The following XPO6 variants were observed in gnomAD, a reference collection of about 807,000 sequenced individuals.
XPO6 encodes exportin 6, also known as exportin-6.
In XPO6, 3 loss-of-function variants were observed where a neutral mutation model predicts 130.0. The observed-to-expected ratio is 0.02, with a 90% CI of 0.01 to 0.06. XPO6 has a LOEUF of 0.06. Ranked by LOEUF, XPO6 falls within the 10% of genes least tolerant of loss-of-function variation. XPO6 has a pLI of 1.00. For synonymous variants in XPO6, 524 were observed against 548.9 expected (o/e 0.95, Z 0.63); for missense variants, 970 against 1,393.0 (o/e 0.70, Z 4.83).
At chr16:28,175,024 T>C (rs1278203489) in intron 4 of XPO6, among the ~76,000 whole-genome samples, 2 of 152,130 alleles carry the variant, frequency 1.3e-5, no homozygotes, top group African/African-American at 4.8e-5. Context: ...ACACACAAAT[T>C]TTAAATGCAT....
intron 14 of XPO6, among the ~76,000 whole-genome samples, chr16:28,120,186 A>ATC (rs1567602412): frequency 1.6e-4 from 24 of 151,706 alleles, no homozygotes; most frequent in African/African-American, 5.3e-4. Context: ...TAATAATAAT[A>ATC]ATCATCATCA....
At chr16:28,186,285 C>T (rs964307057) in intron 1 of XPO6, among the ~76,000 whole-genome samples, 3 of 151,270 alleles carry the variant, frequency 2.0e-5, no homozygotes, top group African/African-American at 7.3e-5. Flanking sequence ...TTGCTTTTAC[C>T]TGGTTTCCAG....
At chr16:28,114,818 A>C (rs1441290735) in intron 15 of XPO6, among the ~76,000 whole-genome samples, 2 of 152,212 alleles carry the variant, frequency 1.3e-5, no homozygotes, top group Non-Finnish European at 2.9e-5. Context: ...TCAAAGTTGG[A>C]GTCAGTCCTC....
intron 5 of XPO6, among the ~76,000 whole-genome samples, chr16:28,168,472 C>T (rs2043393341): frequency 6.6e-6 from 1 of 151,528 alleles, no homozygotes; most frequent in Non-Finnish European, 1.5e-5. Context: ...AACAAAGAGA[C>T]ATCCTGTCTC....
chr16:28,189,808 A>G (rs1450239157), intron 1 of XPO6, among the ~76,000 whole-genome samples: 1 of 152,064 alleles, frequency 6.6e-6, no homozygotes, highest in African/African-American at 2.4e-5. Context: ...TAAAACATAC[A>G]CTCTGGCTGC....
Position 28,161,485 on chromosome 16 carries a change from T to C in XPO6, c.644-4958A>G, listed in dbSNP as rs553610637. Among the ~76,000 whole-genome samples the C allele has an allele frequency of 3.3e-5, 5 of 151,854 alleles. No homozygotes were observed. In the East Asian group the frequency reaches 9.7e-4, roughly 29 times the overall value. ...AAAGTGGACTTATCAAGTTGATTTA[T>C]GAGGAGCCAAAAAAAAGAAAAGTAG... On this transcript the variant is annotated intron_variant, in intron 6 of 23. Coordinates refer to ENST00000304658, the MANE Select transcript of XPO6 (RefSeq NM_015171.4).
chr16:28,113,839 G>C (rs1440043251), intron 15 of XPO6, among the ~76,000 whole-genome samples: 1 of 151,978 alleles, frequency 6.6e-6, no homozygotes, highest in Admixed American at 6.6e-5. Flanking sequence ...CAATGGCTAG[G>C]AAAATAATGA....
chr16:28,176,068 C>T lies in XPO6; in HGVS notation c.235G>A (p.Val79Ile), dbSNP rs1447350461. Residue 79 changes from valine to isoleucine, a missense_variant, in exon 4 of 24, where the codon GTC becomes ATC. Val to Ile is a conservative substitution (Grantham distance 29). Transcript: ENST00000304658. The part of the protein sequence containing the change: ...ENLINKMWLG[V>I]PSQDKMEIRS... ...ATTTCCATCTTATCCTGAGATGGGA[C>T]CCCAAGCCACATTTTATTGATCAGA... is the stretch of plus-strand genomic sequence containing the variant. 1.2e-6 allele frequency: 2 copies of T among 1,613,998 alleles called. No homozygotes were observed. Among genetic ancestry groups the T allele is most frequent in the African/African-American group, 1.3e-5 (1 of 74,904 alleles).
rs1044447762 is a variant in XPO6, at chr16:28,098,305, C to T, written c.*233G>A. ...TGCCTCCTAGTACCTGGCCACACACCCCTCCGCCTGCTCCAACGCCCTGGG... is the reference window on the plus strand; with the variant it reads ...TGCCTCCTAGTACCTGGCCACACACTCCTCCGCCTGCTCCAACGCCCTGGG... On this transcript the variant is annotated 3_prime_UTR_variant, in exon 24 of 24. Coordinates refer to ENST00000304658, the MANE Select transcript of XPO6 (RefSeq NM_015171.4). 2.1e-6 allele frequency: 1 copy of T among 468,484 alleles called. No individual in the cohort carries two copies. 29.0% of individuals were successfully genotyped at this position (468,484 alleles called of 1,614,324 possible).
intron 1 of XPO6, among the ~76,000 whole-genome samples, chr16:28,206,176 T>C (rs1357425821): frequency 1.3e-5 from 2 of 150,142 alleles, no homozygotes; most frequent in African/African-American, 5.0e-5. Flanking sequence ...ACATATTAAC[T>C]ATTATATTGT....
chr16:28,205,675 C>G (rs187696916), intron 1 of XPO6, among the ~76,000 whole-genome samples: 5 of 152,082 alleles, frequency 3.3e-5, no homozygotes, highest in Admixed American at 3.3e-4. Flanking sequence ...AGCAGTGACT[C>G]GCTGTGTGAC....
At chr16:28,107,813 CTT>C in intron 17 of XPO6, 136 bp from the exon 18 acceptor site, 1 of 954,698 alleles carries the variant, frequency 1.0e-6, no homozygotes, top group Non-Finnish European at 1.6e-6. Context: ...GGAACAGTCT[CTT>C]GATTACAATA....
At chr16:28,158,761 T>C (rs542487007) in intron 6 of XPO6, among the ~76,000 whole-genome samples, 3 of 151,948 alleles carry the variant, frequency 2.0e-5, no homozygotes, top group Non-Finnish European at 4.4e-5. Flanking sequence ...CCTACTGGAG[T>C]AGAGCCTGAA....
intron 8 of XPO6, 153 bp from the exon 9 acceptor site, chr16:28,146,356 G>A (rs372185117): frequency 4.1e-5 from 26 of 628,274 alleles, no homozygotes; most frequent in Admixed American, 1.7e-4. Flanking sequence ...GCTTTTAGTC[G>A]GTCTATACCA....
chr16:28,186,078 T>TA (rs976360300), intron 1 of XPO6, among the ~76,000 whole-genome samples: 9 of 152,172 alleles, frequency 5.9e-5, no homozygotes, highest in African/African-American at 1.7e-4. Context: ...CATAATCACC[T>TA]AAAAAAATTA....
In XPO6 at chr16:28,106,663, C is replaced by T. The variant is rs1246172356; in HGVS notation, c.2498-166G>A. Among the ~76,000 whole-genome samples, 2 of 152,260 alleles carry T rather than the reference C, an allele frequency of 1.3e-5. No individual in the cohort carries two copies. Among genetic ancestry groups the T allele is most frequent in the East Asian group, 1.9e-4 (1 of 5,178 alleles). Reference sequence around the variant, plus strand: ...AGGGCCAATGATGGAAAGTGGAAAACGATTAGGGACATGCTGAGAAAATAG... The same window carrying T: ...AGGGCCAATGATGGAAAGTGGAAAATGATTAGGGACATGCTGAGAAAATAG... On this transcript the variant is annotated intron_variant, in intron 18 of 23. Transcript: ENST00000304658. The surrounding 1 kb of genome is among the most constrained non-coding windows in gnomAD (Gnocchi z 4.2).
chr16:28,202,864 GA>G (rs2043973765), intron 1 of XPO6, among the ~76,000 whole-genome samples: 1 of 152,204 alleles, frequency 6.6e-6, no homozygotes. Context: ...AAAAGAAAAG[GA>G]GATCAGTGGC....
chr16:28,204,365 G>A (rs2043996355), intron 1 of XPO6, among the ~76,000 whole-genome samples: 1 of 151,938 alleles, frequency 6.6e-6, no homozygotes, highest in Non-Finnish European at 1.5e-5. Context: ...AGGCCCCACT[G>A]GAAAAGTGAC....
chr16:28,168,095 T>A (rs1408862631), intron 5 of XPO6, among the ~76,000 whole-genome samples: 1 of 152,186 alleles, frequency 6.6e-6, no homozygotes, highest in Non-Finnish European at 1.5e-5. Context: ...TCTCAATTTT[T>A]AAAATATTTA....
Sources: gnomAD v4.1 joint callset for allele counts (sites outside exome capture counted in the v4.1 genomes callset) on GRCh38, gnomAD v4.1.1 for gene constraint, Gnocchi (gnomAD v3.1) non-coding constraint, MANE v1.5 for transcripts, NCBI Gene and HGNC (gene_info 2026-07-23, HGNC 2026-07-21) for gene names.